ERC2: variants seen among roughly 807,000 people sequenced by gnomAD.
ERC2 encodes ELKS/RAB6-interacting/CAST family member 2.
In ERC2, 42 loss-of-function variants were observed where a neutral mutation model predicts 114.8. That is an observed-to-expected ratio of 0.37 (90% confidence interval 0.29 to 0.47). The LOEUF (loss-of-function observed/expected upper bound fraction) is 0.47. Ranked by LOEUF, ERC2 falls within the 20% of genes least tolerant of loss-of-function variation. ERC2 has a pLI of 0.99. For missense variants in ERC2, 939 were observed against 1,150.7 expected, an observed-to-expected ratio of 0.82 and a Z score of 2.66; for synonymous variants, 454 against 425.5, an observed-to-expected ratio of 1.07 and a Z score of -0.82.
chr3:55,849,772 G>C (rs2061498348), intron 14 of ERC2, among the ~76,000 whole-genome samples: 1 of 152,182 alleles, frequency 6.6e-6, no homozygotes, highest in Non-Finnish European at 1.5e-5. Flanking sequence ...CTGAGATTCT[G>C]TTTGACTTCA....
At chr3:55,708,862 GGAGA>G (rs34567802) in intron 15 of ERC2, among the ~76,000 whole-genome samples, 7 of 149,864 alleles carry the variant, frequency 4.7e-5, no homozygotes, top group African/African-American at 7.4e-5. Flanking sequence ...AAGAGAAAGA[GGAGA>G]GAGAGAGAGA....
intron 2 of ERC2, among the ~76,000 whole-genome samples, chr3:56,308,529 T>C (rs2056363002): frequency 6.6e-6 from 1 of 152,170 alleles, no homozygotes; most frequent in Non-Finnish European, 1.5e-5. Flanking sequence ...TAATTATATA[T>C]GTATGATGTG....
At chr3:55,713,981 A>T (rs2063933239) in intron 15 of ERC2, among the ~76,000 whole-genome samples, 1 of 152,222 alleles carries the variant, frequency 6.6e-6, no homozygotes, top group South Asian at 2.1e-4. Context: ...AGCATTACTT[A>T]ATCTTCAGGA....
Position 55,738,541 on chromosome 3 carries a change from C to T in ERC2, c.2565-3623G>A, listed in dbSNP as rs117162383. Among the ~76,000 whole-genome samples, 69 of 152,130 alleles carry T rather than the reference C, an allele frequency of 4.5e-4. No individual in the cohort carries two copies. The East Asian group carries it at 0.013, about 29-fold the overall frequency. ...CTATAATATGTTCTGTCTGTCCTTC[C>T]ATTCTTCATGCACAGATAGGCACAC... is the stretch of plus-strand genomic sequence containing the variant. On this transcript the variant is annotated intron_variant, in intron 14 of 17. Transcript: ENST00000288221.
At chr3:56,257,506 T>C (rs984449652) in intron 3 of ERC2, among the ~76,000 whole-genome samples, 1 of 152,166 alleles carries the variant, frequency 6.6e-6, no homozygotes, top group Non-Finnish European at 1.5e-5. Context: ...CTCTAGCAGC[T>C]CATATTTCAC....
At chr3:56,410,735 T>C (rs1202471925) in intron 2 of ERC2, among the ~76,000 whole-genome samples, 2 of 152,086 alleles carry the variant, frequency 1.3e-5, no homozygotes, top group South Asian at 2.1e-4. Flanking sequence ...CTCACTGCAG[T>C]AGAGGCAAGT....
chr3:56,163,101 T>G (rs2082140768), intron 4 of ERC2, among the ~76,000 whole-genome samples: 1 of 152,148 alleles, frequency 6.6e-6, no homozygotes, highest in Non-Finnish European at 1.5e-5. Flanking sequence ...TTTTTATAGT[T>G]CTGCCTTAAT....
chr3:55,768,160 A>C (rs111760073), intron 14 of ERC2, among the ~76,000 whole-genome samples: 60 of 152,336 alleles, frequency 3.9e-4, no homozygotes, highest in African/African-American at 1.4e-3. Flanking sequence ...ACAGCCTGCA[A>C]AACCATGAGC....
At chr3:55,849,244 GCTT>G (rs139674663) in intron 14 of ERC2, among the ~76,000 whole-genome samples, 9,172 of 152,212 alleles carry the variant, frequency 0.06, 331 homozygotes, top group South Asian at 0.18. Flanking sequence ...ACTGATCTGT[GCTT>G]CTTCTGCACA....
At chr3:55,841,594 A>C (rs982102838) in intron 14 of ERC2, among the ~76,000 whole-genome samples, 1 of 152,218 alleles carries the variant, frequency 6.6e-6, no homozygotes, top group African/African-American at 2.4e-5. Flanking sequence ...GGCATTTGCT[A>C]TGTTCTAGGT....
intron 3 of ERC2, among the ~76,000 whole-genome samples, chr3:56,285,102 C>A (rs1477633688): frequency 3.4e-5 from 5 of 146,984 alleles, no homozygotes; most frequent in South Asian, 2.3e-4. Flanking sequence ...AGCTCCCCCC[C>A]ATCCCTACCT....
intron 5 of ERC2, among the ~76,000 whole-genome samples, chr3:56,146,860 C>G (rs17288707): frequency 6.6e-6 from 1 of 152,162 alleles, no homozygotes; most frequent in African/African-American, 2.4e-5. Flanking sequence ...TTCTTCTGAC[C>G]TGACCACTTC....
chr3:56,394,249 C>A (rs772109554), intron 2 of ERC2, among the ~76,000 whole-genome samples: 2 of 152,148 alleles, frequency 1.3e-5, no homozygotes, highest in Non-Finnish European at 2.9e-5. Context: ...ATGAGAATCT[C>A]AAACTATGGA....
chr3:55,864,174 T>TATATATACACATATATATACAC (rs2062178382), intron 14 of ERC2, among the ~76,000 whole-genome samples: 4 of 123,946 alleles, frequency 3.2e-5, no homozygotes, highest in African/African-American at 1.2e-4. Flanking sequence ...TATACACATA[T>TATATATACACATATATATACAC]ATATATACAC....
In ERC2 at chr3:56,236,616, C is replaced by T. The variant is rs144101114; in HGVS notation, c.1074+59403G>A. ...CTGAAGGCCAAGGTTTTGCTAACAG[C>T]TTCTCAAGCACTGGGGTCTATTTAT... On this transcript the variant is annotated intron_variant, in intron 3 of 17. Transcript: ENST00000288221. Among the ~76,000 whole-genome samples the T allele has an allele frequency of 3.3e-5, 5 of 152,260 alleles. No individual in the cohort carries two copies. In the East Asian group the frequency reaches 9.7e-4, roughly 29 times the overall value.
At chr3:56,282,560 C>T (rs2054417742) in intron 3 of ERC2, among the ~76,000 whole-genome samples, 1 of 151,920 alleles carries the variant, frequency 6.6e-6, no homozygotes, top group South Asian at 2.1e-4. Context: ...TACTTAACTG[C>T]CCTGATTAGG....
At chr3:55,669,730 G>A (rs1455242672) in intron 17 of ERC2, among the ~76,000 whole-genome samples, 2 of 152,134 alleles carry the variant, frequency 1.3e-5, no homozygotes, top group African/African-American at 4.8e-5. Flanking sequence ...TTGACTCTTC[G>A]AGAGCTATAT....
intron 12 of ERC2, among the ~76,000 whole-genome samples, chr3:55,985,551 C>T (rs541622122): frequency 3.3e-5 from 5 of 152,296 alleles, no homozygotes; most frequent in African/African-American, 1.2e-4. Context: ...ACAGTTTGCA[C>T]TGTTAAATTT....
At chr3:55,907,547 T>C (rs2064532503) in intron 13 of ERC2, among the ~76,000 whole-genome samples, 1 of 152,254 alleles carries the variant, frequency 6.6e-6, no homozygotes. Flanking sequence ...TGATATAATG[T>C]GTATTCTGTA....
Sources: allele counts gnomAD v4.1 joint callset (sites outside exome capture counted in the v4.1 genomes callset), GRCh38; gene constraint gnomAD v4.1.1; transcripts MANE v1.5; gene names NCBI Gene and HGNC (gene_info 2026-07-23, HGNC 2026-07-21).